The following RTN1 variants were observed in gnomAD, a reference collection of about 807,000 sequenced individuals.
RTN1 encodes reticulon-1.
A neutral mutation model predicts 65.5 loss-of-function variants in RTN1; 25 were observed. The ratio of observed to expected loss-of-function variants is 0.38; its 90% CI spans 0.28 to 0.53. The LOEUF (loss-of-function observed/expected upper bound fraction) is 0.53, where lower values mean the gene tolerates loss of function less well. Among genes scored for constraint, RTN1 ranks in the 20% least tolerant of loss-of-function variants. The pLI is 0.79. For synonymous variants in RTN1, 471 were observed against 447.6 expected (o/e 1.05, Z -0.66); for missense variants, 983 against 1,025.4 (o/e 0.96, Z 0.57).
intron 1 of RTN1, among the ~76,000 whole-genome samples, chr14:59,764,154 G>T (rs1366254217): frequency 6.6e-6 from 1 of 152,074 alleles, no homozygotes; most frequent in East Asian, 1.9e-4. Context: ...CAGAGGGAGT[G>T]GTGAGGGTTA....
At chr14:59,695,103 G>T (rs532469069) in intron 3 of RTN1, among the ~76,000 whole-genome samples, 3 of 152,288 alleles carry the variant, frequency 2.0e-5, no homozygotes, top group Non-Finnish European at 2.9e-5. Context: ...GTGGAGAAAG[G>T]TTCCCAGAGA....
chr14:59,815,633 G>A (rs1886806527), intron 1 of RTN1, among the ~76,000 whole-genome samples: 1 of 152,118 alleles, frequency 6.6e-6, no homozygotes, highest in African/African-American at 2.4e-5. Flanking sequence ...GGTCTCCATG[G>A]GGAGCCTATC....
chr14:59,832,051 C>A (rs1181145917), intron 1 of RTN1, among the ~76,000 whole-genome samples: 1 of 152,084 alleles, frequency 6.6e-6, no homozygotes, highest in Admixed American at 6.5e-5. Context: ...TTACAAGGAT[C>A]TTAAAAGGGT....
At chr14:59,814,813 C>G (rs541102769) in intron 1 of RTN1, among the ~76,000 whole-genome samples, 4 of 152,190 alleles carry the variant, frequency 2.6e-5, no homozygotes, top group Non-Finnish European at 5.9e-5. Flanking sequence ...CTGAGGAGGA[C>G]AGCCAAATTC....
At chr14:59,628,206 G>A (rs1297424193) in intron 3 of RTN1, among the ~76,000 whole-genome samples, 2 of 152,086 alleles carry the variant, frequency 1.3e-5, no homozygotes, top group African/African-American at 4.8e-5. Context: ...CTTCAACCCT[G>A]GTTACATATT....
At chr14:59,810,914 C>T (rs1167001989) in intron 1 of RTN1, among the ~76,000 whole-genome samples, 1 of 152,138 alleles carries the variant, frequency 6.6e-6, no homozygotes, top group Non-Finnish European at 1.5e-5. Context: ...CCTAGAGACC[C>T]TTTATTACAG....
At chr14:59,763,000 C>T (rs1225181695) in intron 1 of RTN1, among the ~76,000 whole-genome samples, 1 of 152,188 alleles carries the variant, frequency 6.6e-6, no homozygotes, top group Admixed American at 6.5e-5. Context: ...TCATTACAAA[C>T]ATAATCTCAT....
At chr14:59,711,801 A>G (rs887405259) in intron 3 of RTN1, among the ~76,000 whole-genome samples, 4 of 152,224 alleles carry the variant, frequency 2.6e-5, no homozygotes, top group African/African-American at 4.8e-5. Context: ...AAGACAAGAG[A>G]TCATTGTGAA....
chr14:59,838,244 C>A (rs972111826), intron 1 of RTN1, among the ~76,000 whole-genome samples: 1 of 152,126 alleles, frequency 6.6e-6, no homozygotes, highest in Non-Finnish European at 1.5e-5. Flanking sequence ...TTTAGGTAAT[C>A]GCCTTCAGCC....
At chr14:59,804,370 G>A (rs570860346) in intron 1 of RTN1, among the ~76,000 whole-genome samples, 1 of 152,074 alleles carries the variant, frequency 6.6e-6, no homozygotes, top group South Asian at 2.1e-4. Context: ...ACATGACATC[G>A]CTGGTGATAT....
chr14:59,651,080 C>T (rs1408259799), intron 3 of RTN1, among the ~76,000 whole-genome samples: 2 of 152,056 alleles, frequency 1.3e-5, no homozygotes, highest in Non-Finnish European at 2.9e-5. Context: ...AAAGCTAAGG[C>T]AATCACAAGC....
chr14:59,720,377 C>A (rs1315440259), intron 3 of RTN1, among the ~76,000 whole-genome samples: 1 of 152,178 alleles, frequency 6.6e-6, no homozygotes, highest in Non-Finnish European at 1.5e-5. Context: ...ACCAGAAGAG[C>A]TCCTTCTATC....
intron 3 of RTN1, among the ~76,000 whole-genome samples, chr14:59,615,181 G>A (rs1190392770): frequency 3.3e-5 from 5 of 152,168 alleles, no homozygotes; most frequent in East Asian, 3.9e-4. Flanking sequence ...TGGGCATGGC[G>A]GCTCATGCCT....
chr14:59,711,893 C>T (rs1217744783), intron 3 of RTN1, among the ~76,000 whole-genome samples: 2 of 152,150 alleles, frequency 1.3e-5, no homozygotes, highest in Non-Finnish European at 2.9e-5. Flanking sequence ...CAAATTCTGG[C>T]CTACGAGCCA....
intron 1 of RTN1, among the ~76,000 whole-genome samples, chr14:59,797,937 G>A (rs1886469511): frequency 6.6e-6 from 1 of 152,016 alleles, no homozygotes. Context: ...TAGTAACACT[G>A]CCATTGGTCC....
intron 3 of RTN1, among the ~76,000 whole-genome samples, chr14:59,683,981 T>A (rs1433068737): frequency 6.6e-6 from 1 of 152,106 alleles, no homozygotes; most frequent in African/African-American, 2.4e-5. Flanking sequence ...TTTTAGTGAT[T>A]GACTTTCACA....
intron 1 of RTN1, among the ~76,000 whole-genome samples, chr14:59,748,781 A>C (rs1885284286): frequency 1.3e-5 from 2 of 151,982 alleles, no homozygotes; most frequent in Non-Finnish European, 2.9e-5. Context: ...TGCAAAATAA[A>C]GGAAAGTGAT....
chr14:59,630,874 C>G (rs1383855901), intron 3 of RTN1: 1 of 990,856 alleles, frequency 1.0e-6, no homozygotes, highest in East Asian at 1.1e-4. Flanking sequence ...GGAAAAAGGG[C>G]TGACGGTGGG....
intron 3 of RTN1, among the ~76,000 whole-genome samples, chr14:59,684,029 C>G (rs558836141): frequency 6.6e-6 from 1 of 151,976 alleles, no homozygotes; most frequent in African/African-American, 2.4e-5. Flanking sequence ...TTTCTAATGA[C>G]CAAGCAAAGT....
Sources: gnomAD v4.1 joint callset for allele counts (sites outside exome capture counted in the v4.1 genomes callset) on GRCh38, gnomAD v4.1.1 for gene constraint, MANE v1.5 for transcripts, NCBI Gene and HGNC (gene_info 2026-07-23, HGNC 2026-07-21) for gene names.